The following PNPLA7 variants were observed in gnomAD, a reference collection of about 807,000 sequenced individuals.
PNPLA7 encodes patatin like domain 7, lysophospholipase, also known as patatin-like phospholipase domain-containing protein 7.
PNPLA7 carries 153 observed loss-of-function variants against 161.7 expected under a neutral mutation model. The ratio of observed to expected loss-of-function variants is 0.95; its 90% CI spans 0.83 to 1.08. The LOEUF (loss-of-function observed/expected upper bound fraction) is 1.08. Among genes scored for constraint, PNPLA7 ranks in the 50% least tolerant of loss-of-function variants. The pLI is 0.00. For synonymous variants in PNPLA7, 809 were observed against 782.1 expected (o/e 1.03, Z -0.57); for missense variants, 1,739 against 1,856.6 (o/e 0.94, Z 1.16).
At chr9:137,507,924 G>A (rs972347180) in intron 12 of PNPLA7, among the ~76,000 whole-genome samples, 8 of 152,072 alleles carry the variant, frequency 5.3e-5, no homozygotes, top group African/African-American at 1.9e-4. Context: ...CAGGTGCAGC[G>A]GCTCATGCCT....
At chr9:137,532,300 G>A (rs1028767625) in intron 8 of PNPLA7, among the ~76,000 whole-genome samples, 1 of 152,130 alleles carries the variant, frequency 6.6e-6, no homozygotes, top group African/African-American at 2.4e-5. Flanking sequence ...ACACGGGCAT[G>A]CTGGTGTATA....
At position 137,471,560 on chromosome 9, in the gene PNPLA7, T is replaced by C. The variant is rs1186318306; in HGVS notation, c.2883-4087A>G. Among the ~76,000 whole-genome samples the C allele has an allele frequency of 4.1e-5, 6 of 146,284 alleles. No individual in the cohort carries two copies. In the South Asian group the frequency reaches 8.5e-4, roughly 21 times the overall value. On this transcript the variant is annotated intron_variant, in intron 25 of 34. Coordinates refer to ENST00000406427, the MANE Select transcript of PNPLA7 (RefSeq NM_001098537.3). ...TTGCAGTGAGCCGAGATCGCGCCACTGCACTCCAGCCTGGGTAACAGAGCA... is the reference window on the plus strand; with the variant it reads ...TTGCAGTGAGCCGAGATCGCGCCACCGCACTCCAGCCTGGGTAACAGAGCA...
At chr9:137,506,872 G>A (rs150108218) in intron 12 of PNPLA7, among the ~76,000 whole-genome samples, 11 of 152,358 alleles carry the variant, frequency 7.2e-5, no homozygotes, top group Non-Finnish European at 1.5e-4. Context: ...GCATGCGAGC[G>A]AGTCATCTGC....
At chr9:137,491,840 T>C in intron 20 of PNPLA7, 1 of 985,370 alleles carries the variant, frequency 1.0e-6, no homozygotes, top group Non-Finnish European at 1.2e-6. Context: ...TGACAGGTCA[T>C]GCAATGTGTC....
chr9:137,541,505 C>T lies in PNPLA7; in HGVS notation c.667-783G>A, dbSNP rs1836200597. The T allele has an allele frequency of 1.0e-6, 1 of 985,332 alleles. No homozygotes were observed. Among genetic ancestry groups the T allele is most frequent in the African/African-American group, 1.7e-5 (1 of 57,260 alleles). 61.0% of individuals were successfully genotyped at this position (985,332 alleles called of 1,614,324 possible). On this transcript the variant is annotated intron_variant, in intron 7 of 34. Transcript: ENST00000406427. The surrounding 1 kb of genome is among the most constrained non-coding windows in gnomAD (Gnocchi z 4.4). Reference sequence around the variant, plus strand: ...AGCTGGCGTGGGATCACAGCCCACTCCCGGGACCACAGCTGGCAGGAGCCC... The same window carrying T: ...AGCTGGCGTGGGATCACAGCCCACTTCCGGGACCACAGCTGGCAGGAGCCC...
intron 12 of PNPLA7, 145 bp downstream of exon 12, chr9:137,515,234 G>C: frequency 1.8e-6 from 2 of 1,089,522 alleles, no homozygotes; most frequent in South Asian, 1.6e-5. Context: ...CCAGAGGACA[G>C]GCACAGGCCC....
intron 33 of PNPLA7, chr9:137,461,241 A>G (rs1831178160): frequency 2.5e-6 from 1 of 398,376 alleles, no homozygotes; most frequent in Non-Finnish European, 4.6e-6. Flanking sequence ...CCCATTTCCC[A>G]CTGGGTGGGG....
At chr9:137,478,504 C>T (rs1832049177) in intron 24 of PNPLA7, 4 of 213,334 alleles carry the variant, frequency 1.9e-5, no homozygotes, top group South Asian at 3.6e-4. Flanking sequence ...GCCTTCAGGG[C>T]GTGGGTTTCT....
chr9:137,529,039 C>T, intron 8 of PNPLA7, among the ~76,000 whole-genome samples: 1 of 152,148 alleles, frequency 6.6e-6, no homozygotes, highest in African/African-American at 2.4e-5. Context: ...ACTCTATCAC[C>T]TGAGCTATAC....
At chr9:137,501,603 C>G (rs576480717) in intron 15 of PNPLA7, 47 bp downstream of exon 15, 3 of 1,568,818 alleles carry the variant, frequency 1.9e-6, no homozygotes, top group African/African-American at 2.7e-5. Flanking sequence ...TGGCACTGGG[C>G]TATGGCATTG....
At chr9:137,488,702 G>C (rs920254244) in intron 20 of PNPLA7, among the ~76,000 whole-genome samples, 1 of 151,908 alleles carries the variant, frequency 6.6e-6, no homozygotes, top group African/African-American at 2.4e-5. Flanking sequence ...CACCAAGCAA[G>C]CACCAGCAGA....
chr9:137,546,469 G>A (rs1836533291), intron 4 of PNPLA7, among the ~76,000 whole-genome samples: 3 of 152,054 alleles, frequency 2.0e-5, no homozygotes, highest in Admixed American at 2.0e-4. Context: ...TCCGCACAGG[G>A]GGAGAAACCC....
intron 11 of PNPLA7, among the ~76,000 whole-genome samples, chr9:137,519,220 C>T (rs754878909): frequency 2.0e-5 from 3 of 152,266 alleles, no homozygotes; most frequent in South Asian, 2.1e-4. Flanking sequence ...TAACCAAGCG[C>T]GCACCTCATC....
At chr9:137,493,206 T>A (rs1832865376) in intron 19 of PNPLA7, 124 bp from the exon 20 acceptor site, 1 of 996,720 alleles carries the variant, frequency 1.0e-6, no homozygotes, top group Admixed American at 1.9e-5. Flanking sequence ...TTTCAAAACC[T>A]CCATGAACTG....
chr9:137,486,272 ACGG>A lies in PNPLA7; in HGVS notation c.2198-1539_2198-1537del, dbSNP rs1832478787. On this transcript the variant is annotated intron_variant, in intron 20 of 34. Coordinates refer to ENST00000406427, the MANE Select transcript of PNPLA7 (RefSeq NM_001098537.3). This position sits in a 1 kb window ranked among gnomAD's most constrained non-coding sequence, Gnocchi z 6.0. ...AGGGCTTAAGGGCCACTCCCTGCAG[ACGG>A]CGGCCAGCGGACACCTGCAAGATCC... Among the ~76,000 whole-genome samples the A allele has an allele frequency of 6.6e-6, 1 of 152,030 alleles. No individual in the cohort carries two copies. The highest frequency in any genetic ancestry group is 6.6e-5 in the Admixed American group (1 of 15,262).
chr9:137,466,209 A>G (rs1450215567), intron 26 of PNPLA7, among the ~76,000 whole-genome samples: 2 of 152,132 alleles, frequency 1.3e-5, no homozygotes, highest in Admixed American at 6.5e-5. Flanking sequence ...AGAAACCCCC[A>G]TGGAGGCTCC....
At chr9:137,461,869 C>A in intron 32 of PNPLA7, 62 bp downstream of exon 32, 1 of 1,462,834 alleles carries the variant, frequency 6.8e-7, no homozygotes, top group Non-Finnish European at 9.1e-7. Context: ...TGGGCGTGGG[C>A]GTGGCCCGAA....
chr9:137,501,588 C>A, intron 15 of PNPLA7, 62 bp downstream of exon 15: 2 of 1,510,666 alleles, frequency 1.3e-6, no homozygotes, highest in South Asian at 2.3e-5. Context: ...CTCTGGTGCT[C>A]CACTTGGCAC....
In PNPLA7 at chr9:137,476,144, G is replaced by A. The variant is rs1039158981; in HGVS notation, c.2882+1890C>T. ...GATACGAAGAGGCTAGAGGGCTTTC[G>A]GGAGGATGACTCCTGAAAAGTAAAC... On this transcript the variant is annotated intron_variant, in intron 25 of 34. Transcript: ENST00000406427. This position sits in a 1 kb window ranked among gnomAD's most constrained non-coding sequence, Gnocchi z 4.5. Among the ~76,000 whole-genome samples the A allele has an allele frequency of 2.0e-5, 3 of 152,170 alleles. No individual in the cohort carries two copies. Among genetic ancestry groups the A allele is most frequent in the East Asian group, 3.8e-4 (2 of 5,196 alleles).
Sources: gnomAD v4.1 joint callset for allele counts (sites outside exome capture counted in the v4.1 genomes callset) on GRCh38, gnomAD v4.1.1 for gene constraint, Gnocchi (gnomAD v3.1) non-coding constraint, MANE v1.5 for transcripts, NCBI Gene and HGNC (gene_info 2026-07-23, HGNC 2026-07-21) for gene names.